CREB5: variants seen among roughly 807,000 people sequenced by gnomAD.
CREB5 encodes the protein cAMP responsive element binding protein 5.
In CREB5, 19 loss-of-function variants were observed where a neutral mutation model predicts 57.1. The observed-to-expected ratio is 0.33, with a 90% CI of 0.23 to 0.49. The LOEUF (loss-of-function observed/expected upper bound fraction) is 0.49, where lower values mean the gene tolerates loss of function less well. Among genes scored for constraint, CREB5 ranks in the 20% least tolerant of loss-of-function variants. The pLI is 0.99. For missense variants in CREB5, 579 were observed against 671.6 expected (o/e 0.86, Z 1.52); for synonymous variants, 238 against 238.3 (o/e 1.00, Z 0.01).
At chr7:28,807,905 A>G (rs1808841686) in intron 8 of CREB5, among the ~76,000 whole-genome samples, 1 of 152,134 alleles carries the variant, frequency 6.6e-6, no homozygotes, top group Non-Finnish European at 1.5e-5. Flanking sequence ...AAATTTCACA[A>G]GGTGCTGTGT....
intron 5 of CREB5, among the ~76,000 whole-genome samples, chr7:28,646,690 A>G (rs1036536057): frequency 2.6e-5 from 4 of 152,188 alleles, no homozygotes; most frequent in African/African-American, 9.6e-5. Context: ...TATTTTTGAC[A>G]TGGAAACCCA....
chr7:28,798,470 G>A (rs564745570), intron 7 of CREB5, among the ~76,000 whole-genome samples: 13 of 152,206 alleles, frequency 8.5e-5, no homozygotes, highest in Non-Finnish European at 1.9e-4. Context: ...GGCTTCACTC[G>A]ACATGCCAAT....
At chr7:28,692,099 T>C (rs929304492) in intron 5 of CREB5, among the ~76,000 whole-genome samples, 3 of 151,356 alleles carry the variant, frequency 2.0e-5, no homozygotes, top group African/African-American at 7.3e-5. Context: ...GGCAGGAGAA[T>C]TGCTTGAACC....
chr7:28,307,083 T>C (rs981487734), intron 1 of CREB5, among the ~76,000 whole-genome samples: 1 of 152,176 alleles, frequency 6.6e-6, no homozygotes, highest in Admixed American at 6.5e-5. Flanking sequence ...TTTCATGAAA[T>C]GTTCACTCTC....
intron 9 of CREB5, among the ~76,000 whole-genome samples, chr7:28,812,795 G>A (rs1809202113): frequency 6.6e-6 from 1 of 152,260 alleles, no homozygotes; most frequent in African/African-American, 2.4e-5. Context: ...AAAGAAAAAG[G>A]TGTCTCTCTT....
chr7:28,668,905 C>T (rs903907016), intron 5 of CREB5, among the ~76,000 whole-genome samples: 3 of 152,186 alleles, frequency 2.0e-5, no homozygotes, highest in African/African-American at 7.2e-5. Context: ...CTGGGGCCCT[C>T]TTGCTGACCC....
chr7:28,649,076 A>G (rs1799024682), intron 5 of CREB5, among the ~76,000 whole-genome samples: 1 of 152,218 alleles, frequency 6.6e-6, no homozygotes, highest in African/African-American at 2.4e-5. Context: ...TTTCCCTGGA[A>G]GACATAAATA....
In CREB5 at chr7:28,467,167, G is replaced by T. The variant is rs139890666; in HGVS notation, c.4-21008G>T. 2.0e-3 allele frequency among the ~76,000 whole-genome samples: 303 copies of T among 152,318 alleles called. 1 individual carries two copies. The highest frequency in any genetic ancestry group is 7.1e-3 in the African/African-American group (294 of 41,566). ...AGCCCTCCAACTGAGGGAATCTGGT[G>T]GTGGGGAGGGGCAATTGGTAGAGGG... On this transcript the variant is annotated intron_variant, in intron 1 of 10. Coordinates refer to ENST00000357727, the MANE Select transcript of CREB5 (RefSeq NM_182898.4).
At chr7:28,794,505 A>G (rs1807911315) in intron 7 of CREB5, among the ~76,000 whole-genome samples, 1 of 152,204 alleles carries the variant, frequency 6.6e-6, no homozygotes, top group South Asian at 2.1e-4. Flanking sequence ...ACTAGCATAT[A>G]ATATTTTCTA....
chr7:28,663,268 G>A (rs1028390929), intron 5 of CREB5, among the ~76,000 whole-genome samples: 3 of 151,994 alleles, frequency 2.0e-5, no homozygotes, highest in African/African-American at 7.2e-5. Context: ...GTAGTGGAGT[G>A]ATCTCAGCTC....
intron 5 of CREB5, among the ~76,000 whole-genome samples, chr7:28,601,198 ATAGT>A (rs1475013707): frequency 5.9e-5 from 9 of 151,852 alleles, no homozygotes; most frequent in South Asian, 2.1e-4. Flanking sequence ...GGGGCTCCAC[ATAGT>A]TAGCCTCAGT....
rs902195221 is a variant in CREB5, at chr7:28,455,565, T to C, written c.4-32610T>C. ...TCAGGTAGTGGCAAGAGATTCAGAA[T>C]CACAGATAGGTATGAGCCTGGCAGA... On this transcript the variant is annotated intron_variant, in intron 1 of 10. Transcript: ENST00000357727. Among the ~76,000 whole-genome samples, 3 of 152,176 alleles carry C rather than the reference T, an allele frequency of 2.0e-5. No homozygotes were observed. In the East Asian group the frequency reaches 5.8e-4, roughly 29 times the overall value.
intron 1 of CREB5, among the ~76,000 whole-genome samples, chr7:28,440,362 T>G (rs944393786): frequency 6.6e-6 from 1 of 152,182 alleles, no homozygotes; most frequent in African/African-American, 2.4e-5. Context: ...GAGGCCTGTT[T>G]GAGAATAATT....
chr7:28,598,044 CAT>C (rs1421904659), intron 5 of CREB5, among the ~76,000 whole-genome samples: 3 of 152,078 alleles, frequency 2.0e-5, no homozygotes, highest in Non-Finnish European at 2.9e-5. Flanking sequence ...TAAGAGAAGA[CAT>C]GTGATATGGT....
chr7:28,815,826 C>G (rs1430223150), intron 9 of CREB5, among the ~76,000 whole-genome samples: 1 of 152,014 alleles, frequency 6.6e-6, no homozygotes, highest in African/African-American at 2.4e-5. Context: ...AGCAAGAGAA[C>G]CCAGTTTTGT....
intron 7 of CREB5, among the ~76,000 whole-genome samples, chr7:28,747,861 C>T (rs1220122644): frequency 6.6e-6 from 1 of 152,144 alleles, no homozygotes; most frequent in Non-Finnish European, 1.5e-5. Context: ...GTTAAGGGCG[C>T]CCCTCCCCTG....
intron 4 of CREB5, among the ~76,000 whole-genome samples, chr7:28,540,467 C>G (rs1204521500): frequency 1.3e-5 from 2 of 152,076 alleles, no homozygotes; most frequent in Admixed American, 6.5e-5. Flanking sequence ...GGTAAAAGAG[C>G]ACAGTAGTCT....
intron 7 of CREB5, among the ~76,000 whole-genome samples, chr7:28,750,856 G>T (rs926395086): frequency 6.6e-6 from 1 of 151,934 alleles, no homozygotes; most frequent in Non-Finnish European, 1.5e-5. Context: ...TAATATTTTT[G>T]GAATGAATTT....
intron 7 of CREB5, among the ~76,000 whole-genome samples, chr7:28,791,775 TTAA>T (rs1807724534): frequency 6.6e-6 from 1 of 152,202 alleles, no homozygotes. Context: ...CCATTTTCAA[TTAA>T]TAAATCAACC....
Sources: allele counts gnomAD v4.1 joint callset (sites outside exome capture counted in the v4.1 genomes callset), GRCh38; gene constraint gnomAD v4.1.1; transcripts MANE v1.5; gene names NCBI Gene and HGNC (gene_info 2026-07-23, HGNC 2026-07-21).